Variants in INPP4B observed in about 807,000 individuals in gnomAD.
The protein encoded by INPP4B is inositol polyphosphate 4-phosphatase type II.
In INPP4B, 55 loss-of-function variants were observed where a neutral mutation model predicts 122.5. That is an observed-to-expected ratio of 0.45 (90% CI 0.36 to 0.56). INPP4B has a LOEUF of 0.56. Among genes scored for constraint, INPP4B ranks in the 20% least tolerant of loss-of-function variants. The pLI, the probability that INPP4B is intolerant of heterozygous loss-of-function variation, is 0.00. For synonymous variants in INPP4B, 403 were observed against 388.7 expected, an observed-to-expected ratio of 1.04 and a Z score of -0.43; for missense variants, 1,000 against 1,097.7, an observed-to-expected ratio of 0.91 and a Z score of 1.26.
At chr4:142,143,543 C>T (rs1433356781) in intron 18 of INPP4B, among the ~76,000 whole-genome samples, 1 of 151,508 alleles carries the variant, frequency 6.6e-6, no homozygotes, top group African/African-American at 2.4e-5. Flanking sequence ...CACGGTGAAC[C>T]CCATAAAAAT....
intron 2 of INPP4B, among the ~76,000 whole-genome samples, chr4:142,545,983 A>G (rs1829602679): frequency 1.3e-5 from 2 of 151,882 alleles, no homozygotes; most frequent in South Asian, 4.2e-4. Context: ...TTTGTTACAC[A>G]GGTAAACTTG....
intron 1 of INPP4B, among the ~76,000 whole-genome samples, chr4:142,779,368 T>A (rs1199354612): frequency 6.6e-6 from 1 of 152,142 alleles, no homozygotes; most frequent in Non-Finnish European, 1.5e-5. Flanking sequence ...AACAAAATTT[T>A]GGAATGCCCC....
chr4:142,611,505 T>A (rs1415913416), intron 2 of INPP4B, among the ~76,000 whole-genome samples: 1 of 152,104 alleles, frequency 6.6e-6, no homozygotes, highest in Non-Finnish European at 1.5e-5. Context: ...AACACTTTTA[T>A]CTGGCCTAAC....
intron 2 of INPP4B, among the ~76,000 whole-genome samples, chr4:142,463,452 G>A (rs1037738837): frequency 4.6e-5 from 7 of 152,136 alleles, no homozygotes; most frequent in African/African-American, 1.4e-4. Flanking sequence ...TGACTCCACT[G>A]GGAGAGGATA....
At chr4:142,713,879 G>A (rs1201730805) in intron 2 of INPP4B, among the ~76,000 whole-genome samples, 2 of 152,098 alleles carry the variant, frequency 1.3e-5, no homozygotes, top group Non-Finnish European at 2.9e-5. Flanking sequence ...GGTAAACTTT[G>A]GGCTGCCCAC....
intron 10 of INPP4B, among the ~76,000 whole-genome samples, chr4:142,266,686 C>T (rs970386005): frequency 4.6e-5 from 7 of 151,980 alleles, no homozygotes; most frequent in Admixed American, 3.3e-4. Flanking sequence ...CACTTCTATT[C>T]AATGTTATAC....
intron 12 of INPP4B, among the ~76,000 whole-genome samples, chr4:142,212,960 G>A (rs1207643118): frequency 6.6e-6 from 1 of 152,156 alleles, no homozygotes; most frequent in Non-Finnish European, 1.5e-5. Context: ...TGTTTTGGCT[G>A]AACTTTTCAT....
rs141313033 is a variant in INPP4B at position 142,151,002 on chromosome 4, A to G, written c.1564-5006T>C. Among the ~76,000 whole-genome samples the G allele has an allele frequency of 9.2e-5, 14 of 152,306 alleles. No individual in the cohort carries two copies. The East Asian group carries it at 2.3e-3, about 25-fold the overall frequency. On this transcript the variant is annotated intron_variant, in intron 17 of 25. Coordinates refer to ENST00000262992, the MANE Select transcript of INPP4B (RefSeq NM_001101669.3). ...TTCCATGAATAATTTCTCACTTGTC[A>G]TTATCAATTTCTGAGGACTTTGATT...
In INPP4B at chr4:142,145,577, C is replaced by A. The variant is rs562634356; in HGVS notation, c.1720+263G>T. On this transcript the variant is annotated intron_variant, in intron 18 of 25. Coordinates refer to ENST00000262992, the MANE Select transcript of INPP4B (RefSeq NM_001101669.3). ...AAAGGTAGGTTAAACTATGTCAGAGCCTTAAAACACTGTTCTTTTTTCAAG... is the reference window on the plus strand; with the variant it reads ...AAAGGTAGGTTAAACTATGTCAGAGACTTAAAACACTGTTCTTTTTTCAAG... 4.0e-5 allele frequency among the ~76,000 whole-genome samples: 6 copies of A among 151,866 alleles called. No individual in the cohort carries two copies. The South Asian group carries it at 1.0e-3, about 26-fold the overall frequency.
chr4:142,772,961 G>T (rs1325326863), intron 1 of INPP4B, among the ~76,000 whole-genome samples: 1 of 152,064 alleles, frequency 6.6e-6, no homozygotes, highest in Non-Finnish European at 1.5e-5. Flanking sequence ...CACTAGAATT[G>T]CTTGAACCCG....
intron 24 of INPP4B, 150 bp downstream of exon 24, chr4:142,085,994 A>G: frequency 1.5e-6 from 1 of 648,818 alleles, no homozygotes; most frequent in South Asian, 1.7e-5. Flanking sequence ...TAGAACTACC[A>G]ACAAGAGTAA....
intron 18 of INPP4B, among the ~76,000 whole-genome samples, chr4:142,127,243 T>C (rs1037166052): frequency 6.6e-6 from 1 of 152,198 alleles, no homozygotes; most frequent in African/African-American, 2.4e-5. Flanking sequence ...ATACTTTATA[T>C]GATTTTTCTA....
At chr4:142,551,300 C>T (rs998887240) in intron 2 of INPP4B, among the ~76,000 whole-genome samples, 1 of 152,140 alleles carries the variant, frequency 6.6e-6, no homozygotes, top group African/African-American at 2.4e-5. Context: ...TCAGCAGAGT[C>T]TGGGCTTACA....
chr4:142,830,179 A>G lies in INPP4B; in HGVS notation c.-254+16030T>C, dbSNP rs113211523. ...CATGTATCTACACATATATAGATAC[A>G]TATATATCTCCAAGATATTTTATAT... On this transcript the variant is annotated intron_variant, in intron 1 of 25. Coordinates refer to ENST00000262992, the MANE Select transcript of INPP4B (RefSeq NM_001101669.3). 5.5e-3 allele frequency among the ~76,000 whole-genome samples: 841 copies of G among 152,350 alleles called. 6 individuals carry two copies. Among genetic ancestry groups the G allele is most frequent in the African/African-American group, 0.019 (802 of 41,578 alleles).
At chr4:142,443,511 A>G (rs1812266813) in intron 3 of INPP4B, among the ~76,000 whole-genome samples, 1 of 152,164 alleles carries the variant, frequency 6.6e-6, no homozygotes, top group South Asian at 2.1e-4. Flanking sequence ...CTGATCCTTT[A>G]TTACTATAGA....
At chr4:142,642,650 A>C (rs1191571487) in intron 2 of INPP4B, among the ~76,000 whole-genome samples, 2 of 152,202 alleles carry the variant, frequency 1.3e-5, no homozygotes, top group Non-Finnish European at 2.9e-5. Flanking sequence ...TACCAGTACC[A>C]TGCTGTTTTG....
Position 142,027,414 on chromosome 4 carries a change from C to T in INPP4B, c.*1368G>A, listed in dbSNP as rs1737347881. 1 of 152,118 alleles carries T rather than the reference C, an allele frequency of 6.6e-6. No homozygotes were observed. Among genetic ancestry groups the T allele is most frequent in the Non-Finnish European group, 1.5e-5 (1 of 68,014 alleles). 9.4% of individuals were successfully genotyped at this position (152,118 alleles called of 1,614,324 possible). A position where few individuals can be genotyped will look rare whatever the true frequency, so the allele number is the denominator to read the frequency against. ...CTGTTATTTTCAAGGGAGATTTATG[C>T]TTTGGATAGCATGCTCTTCTAATGA... On this transcript the variant is annotated 3_prime_UTR_variant, in exon 26 of 26. Coordinates refer to ENST00000262992, the MANE Select transcript of INPP4B (RefSeq NM_001101669.3).
intron 25 of INPP4B, among the ~76,000 whole-genome samples, chr4:142,050,113 AATAGTTTTATTTT>A (rs1373145957): frequency 3.3e-5 from 5 of 152,128 alleles, no homozygotes; most frequent in Admixed American, 3.3e-4. Context: ...ACATGGCTCA[AATAGTTTTATTTT>A]ATTTTTTGAA....
intron 25 of INPP4B, among the ~76,000 whole-genome samples, chr4:142,079,629 T>C (rs1772795752): frequency 6.6e-6 from 1 of 152,092 alleles, no homozygotes; most frequent in Non-Finnish European, 1.5e-5. Flanking sequence ...GACTTCTTTA[T>C]CTTAAATTCT....
Sources: gnomAD v4.1 joint callset for allele counts (sites outside exome capture counted in the v4.1 genomes callset) on GRCh38, gnomAD v4.1.1 for gene constraint, MANE v1.5 for transcripts, NCBI Gene and HGNC (gene_info 2026-07-23, HGNC 2026-07-21) for gene names.